The following KPNA1 variants were observed in gnomAD, a reference collection of about 807,000 sequenced individuals.
KPNA1 encodes the protein importin subunit alpha-5.
KPNA1 carries 10 observed loss-of-function variants against 70.5 expected under a neutral mutation model. That is an observed-to-expected ratio of 0.14 (90% confidence interval 0.09 to 0.24). KPNA1 has a LOEUF of 0.24. Ranked by LOEUF, KPNA1 falls within the 10% of genes least tolerant of loss-of-function variation. The probability of loss-of-function intolerance (pLI) is 1.00; values close to 1 mark genes in which losing one functional copy is unlikely to be tolerated. For missense variants in KPNA1, 397 were observed against 637.9 expected (o/e 0.62, Z 4.07); for synonymous variants, 192 against 221.9 (o/e 0.87, Z 1.20).
intron 6 of KPNA1, among the ~76,000 whole-genome samples, chr3:122,453,152 C>T (rs966641891): frequency 9.9e-5 from 15 of 152,102 alleles, no homozygotes; most frequent in Non-Finnish European, 1.3e-4. Context: ...GCCATGTTGC[C>T]CTGGCTGGTC....
At chr3:122,461,170 A>T in intron 5 of KPNA1, 54 bp downstream of exon 5, 1 of 1,132,478 alleles carries the variant, frequency 8.8e-7, no homozygotes, top group Non-Finnish European at 1.3e-6. Context: ...TGTACAAAAT[A>T]AAAATTTTCA....
At chr3:122,468,868 C>T (rs1247238454) in intron 2 of KPNA1, among the ~76,000 whole-genome samples, 1 of 152,132 alleles carries the variant, frequency 6.6e-6, no homozygotes. Context: ...AATCTCTGAG[C>T]TTAAGGAAAT....
At chr3:122,498,187 A>C (rs1431224937) in intron 1 of KPNA1, among the ~76,000 whole-genome samples, 1 of 152,198 alleles carries the variant, frequency 6.6e-6, no homozygotes. Flanking sequence ...TGTGTGTCTC[A>C]CCCAAAATTC....
rs2075804231 is a variant in KPNA1 at position 122,425,083 on chromosome 3, C to A, written c.*1902G>T. On this transcript the variant is annotated 3_prime_UTR_variant, in exon 14 of 14. Transcript: ENST00000344337. ...ACTAGTTTTGCAGTGGCTGCGCCAT[C>A]AATAACAAACAGACATCAGACGGTA... The A allele has an allele frequency of 6.6e-6, 1 of 152,474 alleles. No individual in the cohort carries two copies. Among genetic ancestry groups the A allele is most frequent in the African/African-American group, 2.4e-5 (1 of 41,452 alleles). The allele number at this position is 152,474 out of a possible 1,614,324, so 9.4% of individuals were successfully genotyped here.
intron 6 of KPNA1, among the ~76,000 whole-genome samples, chr3:122,452,651 G>C: frequency 9.1e-6 from 1 of 109,744 alleles, no homozygotes; most frequent in Non-Finnish European, 1.9e-5. Context: ...GGGAGGGAGG[G>C]AGGGAGGGAG....
At chr3:122,476,368 A>G (rs2076497385) in intron 2 of KPNA1, among the ~76,000 whole-genome samples, 1 of 152,204 alleles carries the variant, frequency 6.6e-6, no homozygotes, top group African/African-American at 2.4e-5. Context: ...GGTCTAGACA[A>G]TGATTTTTTG....
chr3:122,429,493 A>C (rs867755388), intron 12 of KPNA1, among the ~76,000 whole-genome samples: 10 of 151,704 alleles, frequency 6.6e-5, no homozygotes, highest in Middle Eastern at 6.8e-3. Context: ...ATCAGCATCA[A>C]AAAAGTGTAA....
In KPNA1 at chr3:122,457,799, C is replaced by A. The variant is rs551291051; in HGVS notation, c.432+3425G>T. The A allele has an allele frequency of 7.8e-6, 10 of 1,289,876 alleles. No individual in the cohort carries two copies. The African/African-American group carries it at 1.5e-4, about 20-fold the overall frequency. The allele number at this position is 1,289,876 out of a possible 1,614,324, so 79.9% of individuals were successfully genotyped here. ...CTCCATTTGGATCAGGACTCTGTTG[C>A]TGGCCACTTTGCCGGTTCCACTCTG... On this transcript the variant is annotated intron_variant, in intron 5 of 13. Transcript: ENST00000344337.
chr3:122,428,050 T>C lies in KPNA1; in HGVS notation c.1251-334A>G, dbSNP rs375094017. ...TTGAGTAATTTCATCTTTGTTTCCATAGATAGCCACACCTCTCAAACATGA... is the reference window on the plus strand; with the variant it reads ...TTGAGTAATTTCATCTTTGTTTCCACAGATAGCCACACCTCTCAAACATGA... On this transcript the variant is annotated intron_variant, in intron 12 of 13. Transcript: ENST00000344337. Among the ~76,000 whole-genome samples the C allele has an allele frequency of 9.8e-5, 15 of 152,310 alleles. No individual in the cohort carries two copies. The East Asian group carries it at 2.3e-3, about 23-fold the overall frequency.
rs1560008506 is a variant in KPNA1, at chr3:122,422,282, T to C, written c.*4703A>G. 6.6e-6 allele frequency: 1 copy of C among 151,732 alleles called. No homozygotes were observed. Among genetic ancestry groups the C allele is most frequent in the Non-Finnish European group, 1.5e-5 (1 of 67,992 alleles). 9.4% of individuals were successfully genotyped at this position (151,732 alleles called of 1,614,324 possible). On this transcript the variant is annotated 3_prime_UTR_variant, in exon 14 of 14. Transcript: ENST00000344337. ...TCCTTCCGTGTCAATACTTTCCACA[T>C]TTGTGCGTTTGAATGGATCCATGTG...
chr3:122,481,804 T>C (rs2076574294), intron 2 of KPNA1, among the ~76,000 whole-genome samples: 1 of 152,238 alleles, frequency 6.6e-6, no homozygotes, highest in African/African-American at 2.4e-5. Flanking sequence ...GGTAATTTCA[T>C]AATGATCAAG....
In KPNA1 at chr3:122,476,861, CAAAAA is replaced by C. The variant is rs144118691; in HGVS notation, c.130-9437_130-9433del. Reference sequence around the variant, plus strand: ...TATGAAAAACAGTATGGAGGTTCCACAAAAAAAAAAAAAAAAAAAAAAACTAAAAA... The same window carrying C: ...TATGAAAAACAGTATGGAGGTTCCACAAAAAAAAAAAAAAAAAACTAAAAA... On this transcript the variant is annotated intron_variant, in intron 2 of 13. Coordinates refer to ENST00000344337, the MANE Select transcript of KPNA1 (RefSeq NM_002264.4). Among the ~76,000 whole-genome samples, 15 of 65,490 alleles carry C rather than the reference CAAAAA, an allele frequency of 2.3e-4. No individual in the cohort carries two copies. The East Asian group carries it at 8.4e-3, about 37-fold the overall frequency. 43.0% of individuals were successfully genotyped at this position (65,490 alleles called of 152,430 possible).
rs1253182779 is a variant in KPNA1, at chr3:122,427,707, T to C, written c.1260A>G (p.Val420=). The C allele has an allele frequency of 6.3e-7, 1 of 1,580,814 alleles. No homozygotes were observed. The highest frequency in any genetic ancestry group is 1.8e-5 in the Admixed American group (1 of 55,630). ...GGSAEQIKYL[V]ELGCIKPLCD... ...AGAGCGGCTTGATACAACCCAGTTC[T>C]ACTAGGTACCTAAATACAAAGAATA... Residue 420 remains valine (V), a synonymous_variant, in exon 13 of 14, where the codon GTA becomes GTG. Coordinates refer to ENST00000344337, the MANE Select transcript of KPNA1 (RefSeq NM_002264.4).
chr3:122,493,923 G>GAT, intron 2 of KPNA1, among the ~76,000 whole-genome samples: 1 of 152,120 alleles, frequency 6.6e-6, no homozygotes, highest in Non-Finnish European at 1.5e-5. Context: ...GATAATTAGT[G>GAT]ATGTCGACCC....
intron 6 of KPNA1, among the ~76,000 whole-genome samples, chr3:122,453,094 G>A (rs73190116): frequency 0.13 from 20,272 of 151,972 alleles, 1,431 homozygotes; most frequent in Middle Eastern, 0.27. Context: ...GACAACAGGC[G>A]TGTGCCACCA....
chr3:122,480,950 C>T (rs758627852), intron 2 of KPNA1, among the ~76,000 whole-genome samples: 1 of 152,180 alleles, frequency 6.6e-6, no homozygotes, highest in Non-Finnish European at 1.5e-5. Context: ...AATGGCACCA[C>T]TGCACTCCAG....
Position 122,461,139 on chromosome 3 carries a change from T to C in KPNA1, c.432+85A>G, listed in dbSNP as rs950279610. 4 of 799,092 alleles carry C rather than the reference T, an allele frequency of 5.0e-6. No individual in the cohort carries two copies. In the African/African-American group the frequency reaches 5.3e-5, roughly 11 times the overall value. The allele number at this position is 799,092 out of a possible 1,614,324, so 49.5% of individuals were successfully genotyped here. Reference sequence around the variant, plus strand: ...AAACAAACTTAATTCTTCATACAGATAAAAATTAGTAACAAATTTGTGTAC... The same window carrying C: ...AAACAAACTTAATTCTTCATACAGACAAAAATTAGTAACAAATTTGTGTAC... On this transcript the variant is annotated intron_variant, in intron 5 of 13. Transcript: ENST00000344337.
intron 1 of KPNA1, among the ~76,000 whole-genome samples, chr3:122,505,101 C>T (rs1273831717): frequency 2.6e-5 from 4 of 151,604 alleles, no homozygotes; most frequent in Non-Finnish European, 4.4e-5. Flanking sequence ...GTCAGGAGTT[C>T]GAGACCAGCC....
chr3:122,492,082 G>A (rs958249032), intron 2 of KPNA1, among the ~76,000 whole-genome samples: 1 of 151,588 alleles, frequency 6.6e-6, no homozygotes, highest in South Asian at 2.1e-4. Flanking sequence ...GGATGGTCTC[G>A]ATCTCCTGAC....
Sources: allele counts gnomAD v4.1 joint callset (sites outside exome capture counted in the v4.1 genomes callset), GRCh38; gene constraint gnomAD v4.1.1; transcripts MANE v1.5; gene names NCBI Gene and HGNC (gene_info 2026-07-23, HGNC 2026-07-21).